Variants in WDR6 observed in about 807,000 individuals in gnomAD.
The protein encoded by WDR6 is tRNA (34-2'-O)-methyltransferase regulator WDR6.
Under a neutral mutation model 85.6 loss-of-function variants are expected in WDR6, and 58 were observed. That is an observed-to-expected ratio of 0.68 (90% CI 0.55 to 0.84). The LOEUF (loss-of-function observed/expected upper bound fraction) is 0.84. Among genes scored for constraint, WDR6 ranks in the 40% least tolerant of loss-of-function variants. The pLI, the probability that WDR6 is intolerant of heterozygous loss-of-function variation, is 0.00. For missense variants in WDR6, 1,310 were observed against 1,476.4 expected (o/e 0.89, Z 1.85); for synonymous variants, 569 against 582.2 (o/e 0.98, Z 0.33).
Position 49,014,483 on chromosome 3 carries a change from G to A in WDR6, c.2767G>A (p.Ala923Thr). Residue 923 changes from alanine (A) to threonine (T), a missense_variant, in exon 4 of 6, where the codon GCA (alanine) becomes ACA (threonine). Physicochemically the swap from Ala to Thr is moderately conservative, Grantham distance 58 (BLOSUM62 0). Coordinates refer to ENST00000608424, the MANE Select transcript of WDR6 (RefSeq NM_018031.6). This position sits in a 1 kb window ranked among gnomAD's most constrained non-coding sequence, Gnocchi z 4.9. The stretch of plus-strand genomic sequence containing the variant: ...CAAGGTCCACTCCTTTACACACGAG[G>A]CACCCAACCAGAGGCGGTGAGAGGG... ...VLKVHSFTHE[A>T]PNQRRRLLLC... The A allele has an allele frequency of 1.2e-6, 2 of 1,614,100 alleles. No homozygotes were observed. Among genetic ancestry groups the A allele is most frequent in the Non-Finnish European group, 1.7e-6 (2 of 1,180,012 alleles).
intron 1 of WDR6, chr3:49,011,130 G>A (rs1383080113): frequency 2.3e-6 from 1 of 439,804 alleles, no homozygotes; most frequent in African/African-American, 2.1e-5. Context: ...TTTCGCCCAG[G>A]CTGGAGTGAA....
At position 49,014,310 on chromosome 3, in the gene WDR6, C is replaced by T. The variant is rs750802662; in HGVS notation, c.2666+17C>T. 6 of 1,614,100 alleles carry T rather than the reference C, an allele frequency of 3.7e-6. No individual in the cohort carries two copies. Among genetic ancestry groups the T allele is most frequent in the Non-Finnish European group, 5.1e-6 (6 of 1,180,010 alleles). On this transcript the variant is annotated intron_variant, in intron 3 of 5. Transcript: ENST00000608424. This position sits in a 1 kb window ranked among gnomAD's most constrained non-coding sequence, Gnocchi z 4.9. Reference sequence around the variant, plus strand: ...GGCCGTAAGGTGAGAGCATAGGGCCCAGTGGGACAGGAGACAAAGGAAGTA... The same window carrying T: ...GGCCGTAAGGTGAGAGCATAGGGCCTAGTGGGACAGGAGACAAAGGAAGTA...
intron 1 of WDR6, among the ~76,000 whole-genome samples, chr3:49,010,062 TGAG>T (rs2093006198): frequency 6.9e-6 from 1 of 145,120 alleles, no homozygotes; most frequent in African/African-American, 2.6e-5. Context: ...AAAAGTGAGG[TGAG>T]GAGGAGGCTC....
chr3:49,007,652 G>C lies in WDR6; in HGVS notation c.100+121G>C, dbSNP rs1038735021. 3 of 1,356,814 alleles carry C rather than the reference G, an allele frequency of 2.2e-6. No individual in the cohort carries two copies. Among genetic ancestry groups the C allele is most frequent in the South Asian group, 1.8e-5 (1 of 54,998 alleles). 84.0% of individuals were successfully genotyped at this position (1,356,814 alleles called of 1,614,324 possible). On this transcript the variant is annotated intron_variant, in intron 1 of 5. Transcript: ENST00000608424. The surrounding 1 kb of genome is among the most constrained non-coding windows in gnomAD (Gnocchi z 5.1). ...GAAGGACGGGCAGCAGGTTGAGGCC[G>C]ATCGGAGGTGGGAAGGGAGCCCCGG...
Position 49,012,355 on chromosome 3 carries a change from C to G in WDR6, c.821C>G (p.Ala274Gly). 6.2e-7 allele frequency: 1 copy of G among 1,614,180 alleles called. No individual in the cohort carries two copies. The highest frequency in any genetic ancestry group is 8.5e-7 in the Non-Finnish European group (1 of 1,180,042). ...CTTCTAGAGAATTACCTTATCAGTGCAGGAGAGGATTGTGTCTGCTTGGTG... is the reference window on the plus strand; with the variant it reads ...CTTCTAGAGAATTACCTTATCAGTGGAGGAGAGGATTGTGTCTGCTTGGTG... ...VKLLENYLIS[A>G]GEDCVCLVWS... The change falls in exon 2 of 6, where the codon GCA (alanine) becomes GGA (glycine). Residue 274 changes from alanine to glycine, a missense_variant. Physicochemically the swap from Ala to Gly is moderately conservative, Grantham distance 60. Coordinates refer to ENST00000608424, the MANE Select transcript of WDR6 (RefSeq NM_018031.6). This position sits in a 1 kb window ranked among gnomAD's most constrained non-coding sequence, Gnocchi z 4.4.
At chr3:49,008,928 CTG>C (rs758104902) in intron 1 of WDR6, 184 of 153,358 alleles carry the variant, frequency 1.2e-3, no homozygotes, top group Non-Finnish European at 2.1e-3. Context: ...GTCACCCAGG[CTG>C]GAGTGCAGTG....
chr3:49,011,775 G>A lies in WDR6; in HGVS notation c.241G>A (p.Glu81Lys). 6.2e-7 allele frequency: 1 copy of A among 1,614,228 alleles called. No homozygotes were observed. The highest frequency in any genetic ancestry group is 8.5e-7 in the Non-Finnish European group (1 of 1,180,046). The change falls in exon 2 of 6, where the codon GAG (glutamate) becomes AAG (lysine). Residue 81 changes from glutamate (E) to lysine (K), a missense_variant. Glu to Lys is a moderately conservative substitution (Grantham distance 56). Coordinates refer to ENST00000608424, the MANE Select transcript of WDR6 (RefSeq NM_018031.6). ...AGAGCCTAATGGAGACCTTGACTTG[G>A]AGGCCATGGTGGCTGTGTTTGGAAG... ...RPEPNGDLDLEAMVAVFGSKG... is the reference protein window; with the variant it reads ...RPEPNGDLDLKAMVAVFGSKG...
intron 1 of WDR6, among the ~76,000 whole-genome samples, chr3:49,009,190 C>A (rs1367163918): frequency 6.6e-6 from 1 of 151,882 alleles, no homozygotes; most frequent in African/African-American, 2.4e-5. Flanking sequence ...CCTCTCTAGC[C>A]TCTTCCTGAG....
In WDR6 at chr3:49,013,725, G is replaced by A. The variant is rs1381894469; in HGVS notation, c.2191G>A (p.Glu731Lys). ...VPSFMQPDDL[E>K]PGSEGPDLTD... ...CAGCTTCATGCAGCCTGATGACCTGGAGCCTGGCAGTGAGGGGCCCGACTT... is the reference window on the plus strand; with the variant it reads ...CAGCTTCATGCAGCCTGATGACCTGAAGCCTGGCAGTGAGGGGCCCGACTT... Residue 731 changes from glutamate (E) to lysine (K), a missense_variant, in exon 2 of 6, where the codon GAG becomes AAG. Transcript: ENST00000608424. The surrounding 1 kb of genome is among the most constrained non-coding windows in gnomAD (Gnocchi z 4.6). 3 of 1,614,052 alleles carry A rather than the reference G, an allele frequency of 1.9e-6. No individual in the cohort carries two copies. The highest frequency in any genetic ancestry group is 1.3e-5 in the African/African-American group (1 of 75,008).
At chr3:49,008,967 C>G (rs1048414134) in intron 1 of WDR6, 1 of 153,634 alleles carries the variant, frequency 6.5e-6, no homozygotes, top group Non-Finnish European at 1.5e-5. Context: ...CTGCAACCTC[C>G]GCCTCCCAGG....
In WDR6 at chr3:49,013,404, G is replaced by A. The variant is rs542788663; in HGVS notation, c.1870G>A (p.Asp624Asn). ...GCTAGCTGGGCTCCGTATAGTGCCC[G>A]ATGGGAGCATGGTTATCCTGGGTTT... ...NWLAGLRIVPDGSMVILGFHA... is the reference protein window; with the variant it reads ...NWLAGLRIVPNGSMVILGFHA... Residue 624 changes from aspartate to asparagine, a missense_variant, in exon 2 of 6, where the codon GAT becomes AAT. Transcript: ENST00000608424. The surrounding 1 kb of genome is among the most constrained non-coding windows in gnomAD (Gnocchi z 4.6). 6.2e-7 allele frequency: 1 copy of A among 1,614,218 alleles called. No homozygotes were observed. The highest frequency in any genetic ancestry group is 8.5e-7 in the Non-Finnish European group (1 of 1,180,026).
rs759164608 is a variant in WDR6, at chr3:49,012,780, C to G, written c.1246C>G (p.Arg416Gly). The change falls in exon 2 of 6, where the codon CGT (arginine) becomes GGT (glycine). Residue 416 changes from arginine to glycine, a missense_variant. By Grantham distance (125) the Arg-to-Gly change is moderately radical. Coordinates refer to ENST00000608424, the MANE Select transcript of WDR6 (RefSeq NM_018031.6). This position sits in a 1 kb window ranked among gnomAD's most constrained non-coding sequence, Gnocchi z 4.4. ...GLCAMANGEGRVKVVPINTPT... is the reference protein window; with the variant it reads ...GLCAMANGEGGVKVVPINTPT... ...GTGTGCTATGGCCAATGGGGAAGGT[C>G]GTGTCAAGGTTGTCCCCATCAACAC... The G allele has an allele frequency of 5.6e-6, 9 of 1,613,778 alleles. No homozygotes were observed. Among genetic ancestry groups the G allele is most frequent in the Non-Finnish European group, 6.8e-6 (8 of 1,179,978 alleles).
rs780830019 is a variant in WDR6, at chr3:49,013,061, T to C, written c.1527T>C (p.Gly509=). The part of the protein sequence containing the change: ...FLPPGDFLVC[G]DRRGSVLLFP... ...CCCCAGGTGACTTCCTGGTGTGTGG[T>C]GACCGCCGGGGCTCTGTGCTGCTAT... is the stretch of plus-strand genomic sequence containing the variant. The change falls in exon 2 of 6, where the codon GGT becomes GGC. Residue 509 remains glycine (G), a synonymous_variant. Transcript: ENST00000608424. The surrounding 1 kb of genome is among the most constrained non-coding windows in gnomAD (Gnocchi z 4.6). 1.8e-5 allele frequency: 29 copies of C among 1,611,664 alleles called. No homozygotes were observed. The South Asian group carries it at 3.0e-4, about 17-fold the overall frequency.
chr3:49,014,160 T>TG lies in WDR6; in HGVS notation c.2582+45dup. Reference sequence around the variant, plus strand: ...CAGGGTGTGGTATGGGTCATGCAGATGCTCCCAGGCTTGCAGGCTCCACCT... The same window carrying TG: ...CAGGGTGTGGTATGGGTCATGCAGATGGCTCCCAGGCTTGCAGGCTCCACCT... On this transcript the variant is annotated intron_variant, in intron 2 of 5. Transcript: ENST00000608424. The surrounding 1 kb of genome is among the most constrained non-coding windows in gnomAD (Gnocchi z 4.9). The TG allele has an allele frequency of 6.2e-7, 1 of 1,614,126 alleles. No homozygotes were observed. The highest frequency in any genetic ancestry group is 2.2e-5 in the East Asian group (1 of 44,884).
chr3:49,013,601 C>T lies in WDR6; in HGVS notation c.2067C>T (p.Thr689=). ...TGTACAGGGCTCTGGGTGGCTGCAC[C>T]CGGCCACACGTGATTCTCCGGGAGG... ...VMLYRALGGC[T]RPHVILREGL... Residue 689 remains threonine, a synonymous_variant, in exon 2 of 6, where the codon ACC becomes ACT. Coordinates refer to ENST00000608424, the MANE Select transcript of WDR6 (RefSeq NM_018031.6). The surrounding 1 kb of genome is among the most constrained non-coding windows in gnomAD (Gnocchi z 4.6). 6.2e-7 allele frequency: 1 copy of T among 1,614,080 alleles called. No individual in the cohort carries two copies. Among genetic ancestry groups the T allele is most frequent in the Non-Finnish European group, 8.5e-7 (1 of 1,180,004 alleles).
intron 1 of WDR6, chr3:49,008,079 C>T (rs1484252188): frequency 2.0e-5 from 3 of 152,492 alleles, no homozygotes; most frequent in East Asian, 1.9e-4. Context: ...GGTGAAGATC[C>T]TCTGAGGAGG....
In WDR6 at chr3:49,014,848, C is replaced by T; in HGVS notation, c.2926C>T (p.Leu976Phe). ...AGGGCTTGGCACCCCCTCCCTGACT[C>T]TCCAGGCCCACAGCTGTGGTATCAA... ...PYRLGTPSLT[L>F]QAHSCGINSL... The change falls in exon 6 of 6, where the codon CTC becomes TTC. Residue 976 changes from leucine (L) to phenylalanine (F), a missense_variant. Transcript: ENST00000608424. The surrounding 1 kb of genome is among the most constrained non-coding windows in gnomAD (Gnocchi z 4.9). The T allele has an allele frequency of 6.2e-7, 1 of 1,607,434 alleles. No homozygotes were observed. The highest frequency in any genetic ancestry group is 8.5e-7 in the Non-Finnish European group (1 of 1,175,152).
Position 49,014,334 on chromosome 3 carries a change from T to C in WDR6, c.2666+41T>C. ...CCAGTGGGACAGGAGACAAAGGAAGTAAGGTTGTCTAGGATGCGTTCTGAG... is the reference window on the plus strand; with the variant it reads ...CCAGTGGGACAGGAGACAAAGGAAGCAAGGTTGTCTAGGATGCGTTCTGAG... On this transcript the variant is annotated intron_variant, in intron 3 of 5. Transcript: ENST00000608424. The surrounding 1 kb of genome is among the most constrained non-coding windows in gnomAD (Gnocchi z 4.9). 3 of 1,614,006 alleles carry C rather than the reference T, an allele frequency of 1.9e-6. No homozygotes were observed. The highest frequency in any genetic ancestry group is 2.5e-6 in the Non-Finnish European group (3 of 1,179,990).
chr3:49,014,540 G>A lies in WDR6; in HGVS notation c.2783+41G>A. ...TGATGGTCCTGCATGGGCTGGGTTG[G>A]GGGGTTCCTGTTGAGCTTCATCTCT... On this transcript the variant is annotated intron_variant, in intron 4 of 5. Coordinates refer to ENST00000608424, the MANE Select transcript of WDR6 (RefSeq NM_018031.6). The surrounding 1 kb of genome is among the most constrained non-coding windows in gnomAD (Gnocchi z 4.9). 1.9e-6 allele frequency: 3 copies of A among 1,613,696 alleles called. No homozygotes were observed. Among genetic ancestry groups the A allele is most frequent in the Non-Finnish European group, 1.7e-6 (2 of 1,179,884 alleles).
Sources: gnomAD v4.1 joint callset for allele counts (sites outside exome capture counted in the v4.1 genomes callset) on GRCh38, gnomAD v4.1.1 for gene constraint, Gnocchi (gnomAD v3.1) non-coding constraint, MANE v1.5 for transcripts, NCBI Gene and HGNC (gene_info 2026-07-23, HGNC 2026-07-21) for gene names.